Variants in PCDH11X observed in about 807,000 individuals in gnomAD.
PCDH11X encodes protocadherin 11 X-linked, also known as protocadherin-11 X-linked.
A neutral mutation model predicts 53.3 loss-of-function variants in PCDH11X; 18 were observed. The ratio of observed to expected loss-of-function variants is 0.34; its 90% CI spans 0.23 to 0.50. PCDH11X has a LOEUF of 0.50. Ranked by LOEUF, PCDH11X falls within the 20% of genes least tolerant of loss-of-function variation. The pLI, the probability that PCDH11X is intolerant of heterozygous loss-of-function variation, is 0.98. For synonymous variants in PCDH11X, 279 were observed against 393.3 expected (o/e 0.71, Z 3.44); for missense variants, 570 against 1,032.4 (o/e 0.55, Z 6.14).
chrX:92,468,013 G>A (rs896575594), intron 9 of PCDH11X, among the ~76,000 whole-genome samples: 8 of 111,341 alleles, frequency 7.2e-5, no homozygotes, highest in African/African-American at 2.3e-4. Flanking sequence ...ACTGCAAAAC[G>A]TTACGTTTAA....
chrX:91,973,613 CTTTT>C (rs750179369), intron 6 of PCDH11X, among the ~76,000 whole-genome samples: 1 of 88,317 alleles, frequency 1.1e-5, no homozygotes, highest in Non-Finnish European at 2.2e-5. Context: ...GTATATACAA[CTTTT>C]TTTTTTTTTT....
intron 10 of PCDH11X, among the ~76,000 whole-genome samples, chrX:92,484,241 G>A (rs1324780344): frequency 9.6e-5 from 9 of 93,884 alleles, no homozygotes; most frequent in East Asian, 3.3e-4. Flanking sequence ...ATGTATATAT[G>A]TATATATGTA....
chrX:92,043,397 G>T lies in PCDH11X; in HGVS notation c.3034-157978G>T, dbSNP rs2063239633. 2.8e-5 allele frequency among the ~76,000 whole-genome samples: 3 copies of T among 106,338 alleles called. No homozygotes were observed. The South Asian group carries it at 1.2e-3, about 44-fold the overall frequency. The allele number at this position is 106,338 out of a possible 115,157, so 92.3% of individuals were successfully genotyped here. On this transcript the variant is annotated intron_variant, in intron 6 of 10. Coordinates refer to ENST00000682573, the MANE Select transcript of PCDH11X (RefSeq NM_032968.5). ...TAACTGAAAGCCTAAAAGATCTCTA[G>T]CAGATTTCCTGGGTTGTTATCCCAT...
intron 9 of PCDH11X, among the ~76,000 whole-genome samples, chrX:92,394,189 T>G (rs1437850619): frequency 9.0e-6 from 1 of 111,478 alleles, no homozygotes; most frequent in African/African-American, 3.3e-5. Context: ...GAGAAGTGTA[T>G]CTTTAAAGTT....
At chrX:92,428,654 A>G (rs62598662) in intron 9 of PCDH11X, among the ~76,000 whole-genome samples, 10,695 of 110,504 alleles carry the variant, frequency 0.097, 438 homozygotes, top group South Asian at 0.11. Flanking sequence ...TTGTACATTT[A>G]CTTACTTATT....
chrX:92,119,391 G>A (rs2064708761), intron 6 of PCDH11X, among the ~76,000 whole-genome samples: 2 of 111,750 alleles, frequency 1.8e-5, no homozygotes, highest in African/African-American at 6.5e-5. Context: ...GCAGGTGTGA[G>A]CCACCACACC....
At chrX:92,429,672 A>G (rs1359805182) in intron 9 of PCDH11X, among the ~76,000 whole-genome samples, 2 of 105,829 alleles carry the variant, frequency 1.9e-5, no homozygotes, top group Non-Finnish European at 3.9e-5. Context: ...ATGACAAATA[A>G]TGGGCTCTTA....
At chrX:91,894,362 T>G (rs1940649727) in intron 6 of PCDH11X, among the ~76,000 whole-genome samples, 1 of 111,828 alleles carries the variant, frequency 8.9e-6, no homozygotes. Context: ...AGACTAGATA[T>G]GAAGACAAGA....
chrX:92,278,933 T>G (rs2068181028), intron 8 of PCDH11X, among the ~76,000 whole-genome samples: 1 of 108,088 alleles, frequency 9.3e-6, no homozygotes, highest in African/African-American at 3.4e-5. Flanking sequence ...TGCCTTAGCC[T>G]TCCGAGTAGC....
chrX:92,204,972 C>G (rs1198531709), intron 7 of PCDH11X, among the ~76,000 whole-genome samples: 1 of 111,479 alleles, frequency 9.0e-6, no homozygotes, highest in Non-Finnish European at 1.9e-5. Flanking sequence ...GGGTAAACTG[C>G]CCCCATGATT....
At chrX:92,395,384 T>G (rs936914250) in intron 9 of PCDH11X, among the ~76,000 whole-genome samples, 7 of 111,252 alleles carry the variant, frequency 6.3e-5, no homozygotes, top group African/African-American at 9.8e-5. Flanking sequence ...GTAATCACTA[T>G]TCATGAAACC....
At chrX:92,343,767 C>A (rs2069822324) in intron 8 of PCDH11X, among the ~76,000 whole-genome samples, 1 of 110,979 alleles carries the variant, frequency 9.0e-6, no homozygotes, top group East Asian at 2.8e-4. Flanking sequence ...ATTTAATACC[C>A]ACCTCAATAG....
At chrX:92,106,186 A>G (rs1168618753) in intron 6 of PCDH11X, among the ~76,000 whole-genome samples, 2 of 107,599 alleles carry the variant, frequency 1.9e-5, no homozygotes, top group Non-Finnish European at 3.8e-5. Context: ...ATCTAGCTCT[A>G]AAAATGTTGC....
At chrX:92,249,837 A>G (rs1445864528) in intron 7 of PCDH11X, among the ~76,000 whole-genome samples, 6 of 111,652 alleles carry the variant, frequency 5.4e-5, no homozygotes, top group Non-Finnish European at 1.1e-4. Flanking sequence ...GGATTCGTAA[A>G]AAATCATTTC....
At chrX:91,797,560 A>C (rs1935777194) in intron 1 of PCDH11X, among the ~76,000 whole-genome samples, 1 of 109,950 alleles carries the variant, frequency 9.1e-6, no homozygotes, top group African/African-American at 3.3e-5. Flanking sequence ...AATGTCTCTC[A>C]GCATTAAATA....
At chrX:92,104,774 G>A (rs1307823203) in intron 6 of PCDH11X, among the ~76,000 whole-genome samples, 4 of 110,271 alleles carry the variant, frequency 3.6e-5, no homozygotes, top group Non-Finnish European at 5.7e-5. Context: ...GAAAAGCAGA[G>A]AAAGAGTTGG....
chrX:92,611,430 T>C (rs771310152), intron 10 of PCDH11X, among the ~76,000 whole-genome samples: 1 of 110,393 alleles, frequency 9.1e-6, no homozygotes, highest in African/African-American at 3.3e-5. Flanking sequence ...TTTTTGCACA[T>C]TGATTTTGTA....
intron 9 of PCDH11X, among the ~76,000 whole-genome samples, chrX:92,430,026 G>T: frequency 9.2e-6 from 1 of 108,720 alleles, no homozygotes; most frequent in Non-Finnish European, 1.9e-5. Flanking sequence ...CTTTCCCAGG[G>T]TTAAAATTAA....
At chrX:91,830,161 A>G (rs1217117078) in intron 4 of PCDH11X, among the ~76,000 whole-genome samples, 1 of 111,778 alleles carries the variant, frequency 8.9e-6, no homozygotes, top group Non-Finnish European at 1.9e-5. Flanking sequence ...ATTAAGTGCT[A>G]TTTGAGCTTG....
Sources: allele counts gnomAD v4.1 joint callset (sites outside exome capture counted in the v4.1 genomes callset), GRCh38; gene constraint gnomAD v4.1.1; transcripts MANE v1.5; gene names NCBI Gene and HGNC (gene_info 2026-07-23, HGNC 2026-07-21).